BANK1: variants seen among roughly 807,000 people sequenced by gnomAD.
The protein encoded by BANK1 is B cell scaffold protein with ankyrin repeats 1, also known as B-cell scaffold protein with ankyrin repeats.
BANK1 carries 95 observed loss-of-function variants against 94.5 expected under a neutral mutation model. The ratio of observed to expected loss-of-function variants is 1.00; its 90% CI spans 0.85 to 1.19. BANK1 has a LOEUF of 1.19. Ranked by LOEUF, BANK1 falls within the 50% of genes most tolerant of loss-of-function variation. The probability of loss-of-function intolerance (pLI) is 0.00; values close to 1 mark genes in which losing one functional copy is unlikely to be tolerated. For missense variants in BANK1, 987 were observed against 932.2 expected (o/e 1.06, Z -0.77); for synonymous variants, 334 against 308.4 (o/e 1.08, Z -0.87).
At chr4:102,038,354 T>C (rs550460891) in intron 10 of BANK1, among the ~76,000 whole-genome samples, 45 of 152,304 alleles carry the variant, frequency 3.0e-4, no homozygotes, top group African/African-American at 1.0e-3. Flanking sequence ...GAGTCTTCCA[T>C]TGGCTGCCCA....
intron 5 of BANK1, among the ~76,000 whole-genome samples, chr4:101,884,086 C>G (rs1728766066): frequency 1.3e-5 from 2 of 152,134 alleles, no homozygotes; most frequent in African/African-American, 4.8e-5. Flanking sequence ...TATGCTTTTA[C>G]AGTAAACCAA....
intron 6 of BANK1, among the ~76,000 whole-genome samples, chr4:101,907,201 C>A (rs1297929974): frequency 1.3e-5 from 2 of 152,196 alleles, no homozygotes; most frequent in African/African-American, 2.4e-5. Context: ...AAAAGCTTAT[C>A]CACCATGATC....
intron 7 of BANK1, among the ~76,000 whole-genome samples, chr4:101,966,858 A>T (rs906092665): frequency 6.6e-6 from 1 of 151,844 alleles, no homozygotes; most frequent in Non-Finnish European, 1.5e-5. Context: ...AGTACATCTG[A>T]CTCCCACCCA....
intron 6 of BANK1, among the ~76,000 whole-genome samples, chr4:101,903,620 T>C (rs985556609): frequency 3.9e-5 from 6 of 152,206 alleles, no homozygotes; most frequent in Non-Finnish European, 8.8e-5. Context: ...TAACTCTGCC[T>C]CAGCCTCCTT....
At chr4:101,874,711 C>G (rs1051321747) in intron 5 of BANK1, among the ~76,000 whole-genome samples, 2 of 152,166 alleles carry the variant, frequency 1.3e-5, no homozygotes, top group African/African-American at 4.8e-5. Context: ...GTCTTCTTAA[C>G]TCTATGATTG....
chr4:102,051,653 A>AAGAT (rs1728050150), intron 11 of BANK1, among the ~76,000 whole-genome samples: 1 of 152,204 alleles, frequency 6.6e-6, no homozygotes, highest in African/African-American at 2.4e-5. Flanking sequence ...AGGAGGTAGA[A>AAGAT]AGATATTTAA....
chr4:101,917,984 T>C lies in BANK1; in HGVS notation c.1010-9T>C. The C allele has an allele frequency of 6.3e-7, 1 of 1,588,066 alleles. No homozygotes were observed. Among genetic ancestry groups the C allele is most frequent in the South Asian group, 1.1e-5 (1 of 88,858 alleles). ...AAACATTAAATCCTACTACTTCTTATGCTTACAGATACTCATTTCAAAGAA... is the reference window on the plus strand; with the variant it reads ...AAACATTAAATCCTACTACTTCTTACGCTTACAGATACTCATTTCAAAGAA... On this transcript the variant is annotated splice_polypyrimidine_tract_variant and intron_variant, in intron 6 of 16. Coordinates refer to ENST00000322953, the MANE Select transcript of BANK1 (RefSeq NM_017935.5).
chr4:102,063,178 A>T, intron 13 of BANK1, 40 bp downstream of exon 13: 1 of 1,555,756 alleles, frequency 6.4e-7, no homozygotes, highest in Non-Finnish European at 8.9e-7. Context: ...TAATAGAGTG[A>T]TTACGTTGAA....
intron 7 of BANK1, among the ~76,000 whole-genome samples, chr4:101,993,834 A>T (rs1367920105): frequency 6.6e-6 from 1 of 152,222 alleles, no homozygotes; most frequent in Non-Finnish European, 1.5e-5. Flanking sequence ...TTTCCAAAAG[A>T]TCTACCAAGA....
At chr4:101,965,408 A>G (rs540785073) in intron 7 of BANK1, among the ~76,000 whole-genome samples, 1 of 152,152 alleles carries the variant, frequency 6.6e-6, no homozygotes, top group South Asian at 2.1e-4. Flanking sequence ...CAAATGCGAC[A>G]TGCAGTGTTA....
At chr4:102,021,385 A>G (rs1303119055) in intron 7 of BANK1, 129 bp from the exon 8 acceptor site, 6 of 376,770 alleles carry the variant, frequency 1.6e-5, no homozygotes, top group Non-Finnish European at 2.5e-5. Context: ...TATAGATGGC[A>G]CAAATATATT....
intron 2 of BANK1, among the ~76,000 whole-genome samples, chr4:101,849,032 C>T (rs1273736062): frequency 2.6e-5 from 4 of 152,160 alleles, no homozygotes; most frequent in East Asian, 3.9e-4. Context: ...CTGCACTTAG[C>T]CCCCTTGTAC....
intron 7 of BANK1, among the ~76,000 whole-genome samples, chr4:102,004,240 A>T (rs1182896330): frequency 6.6e-6 from 1 of 152,184 alleles, no homozygotes; most frequent in Non-Finnish European, 1.5e-5. Context: ...TTGTTGAATG[A>T]ATGAATGTAT....
At chr4:101,889,050 A>G (rs1721738432) in intron 5 of BANK1, among the ~76,000 whole-genome samples, 2 of 152,044 alleles carry the variant, frequency 1.3e-5, no homozygotes, top group South Asian at 4.1e-4. Flanking sequence ...ATTTGGGGGG[A>G]TCGTTAGTAT....
At chr4:101,904,377 G>T (rs941114316) in intron 6 of BANK1, among the ~76,000 whole-genome samples, 4 of 152,130 alleles carry the variant, frequency 2.6e-5, no homozygotes, top group Non-Finnish European at 4.4e-5. Context: ...GGAGCTATGT[G>T]CCCATTTTCT....
At chr4:101,803,387 G>A (rs1047334119) in intron 1 of BANK1, among the ~76,000 whole-genome samples, 10 of 152,034 alleles carry the variant, frequency 6.6e-5, no homozygotes, top group Non-Finnish European at 1.5e-4. Flanking sequence ...CTGAGTAGTG[G>A]GGCACACACA....
chr4:101,795,586 TA>T (rs1244584445), intron 1 of BANK1, among the ~76,000 whole-genome samples: 1 of 152,186 alleles, frequency 6.6e-6, no homozygotes, highest in East Asian at 1.9e-4. Flanking sequence ...TGATACAGTT[TA>T]AAATATTGGG....
At chr4:101,958,169 T>C (rs1214643485) in intron 7 of BANK1, among the ~76,000 whole-genome samples, 1 of 152,156 alleles carries the variant, frequency 6.6e-6, no homozygotes, top group African/African-American at 2.4e-5. Flanking sequence ...TAGGCGTCAA[T>C]GTTTGTTTAT....
intron 7 of BANK1, among the ~76,000 whole-genome samples, chr4:101,949,163 C>T (rs1724045449): frequency 6.6e-6 from 1 of 152,050 alleles, no homozygotes. Flanking sequence ...TGGCTCTGCT[C>T]TATGCAATCT....
Sources: allele counts gnomAD v4.1 joint callset (sites outside exome capture counted in the v4.1 genomes callset), GRCh38; gene constraint gnomAD v4.1.1; transcripts MANE v1.5; gene names NCBI Gene and HGNC (gene_info 2026-07-23, HGNC 2026-07-21).